Variants in COL21A1 observed in about 807,000 individuals in gnomAD.
COL21A1 encodes collagen alpha-1(XXI) chain.
In COL21A1, 149 loss-of-function variants were observed where a neutral mutation model predicts 137.9. That is an observed-to-expected ratio of 1.08 (90% CI 0.95 to 1.24). The LOEUF is 1.24. COL21A1 is among the 50% of genes most tolerant of loss of function. The pLI is 0.00. For missense variants in COL21A1, 1,167 were observed against 1,158.4 expected (o/e 1.01, Z -0.11); for synonymous variants, 456 against 391.5 (o/e 1.16, Z -1.95).
intron 1 of COL21A1, among the ~76,000 whole-genome samples, chr6:56,269,511 C>T (rs9370498): frequency 0.23 from 35,028 of 151,248 alleles, 4,410 homozygotes; most frequent in Non-Finnish European, 0.29. Flanking sequence ...AAAAATTAGC[C>T]GGGCGTAGTG....
intron 17 of COL21A1, among the ~76,000 whole-genome samples, chr6:56,095,789 C>A (rs540867012): frequency 7.6e-4 from 115 of 152,266 alleles, no homozygotes; most frequent in Middle Eastern, 3.4e-3. Context: ...AAGAAGCCAT[C>A]CCTATGCATT....
chr6:56,142,871 C>T (rs1226322338), intron 10 of COL21A1, among the ~76,000 whole-genome samples: 1 of 152,178 alleles, frequency 6.6e-6, no homozygotes, highest in East Asian at 1.9e-4. Flanking sequence ...ACACAGATCT[C>T]ATTAATGTTT....
At chr6:56,294,074 T>G (rs573424344) in intron 1 of COL21A1, among the ~76,000 whole-genome samples, 1 of 152,148 alleles carries the variant, frequency 6.6e-6, no homozygotes, top group Non-Finnish European at 1.5e-5. Context: ...GAACCAGAAC[T>G]GAACTCAAAT....
chr6:56,196,900 C>T (rs1779057662), intron 1 of COL21A1, among the ~76,000 whole-genome samples: 2 of 151,722 alleles, frequency 1.3e-5, no homozygotes, highest in South Asian at 4.2e-4. Flanking sequence ...TTGTATGGAA[C>T]CACAAAAAAA....
At position 56,103,451 on chromosome 6, in the gene COL21A1, G is replaced by C. The variant is rs144639468; in HGVS notation, c.1759-1926C>G. ...CAATTAATTTGAAATTATTAGGTTG[G>C]TGCAAAAGTAATTGCAGTTTTTGCC... is the stretch of plus-strand genomic sequence containing the variant. On this transcript the variant is annotated intron_variant, in intron 16 of 29. Transcript: ENST00000244728. Among the ~76,000 whole-genome samples the C allele has an allele frequency of 8.1e-3, 1,229 of 152,162 alleles. 15 individuals carry two copies. The highest frequency in any genetic ancestry group is 0.027 in the African/African-American group (1,111 of 41,524).
At chr6:56,122,852 G>A (rs1338966694) in intron 16 of COL21A1, among the ~76,000 whole-genome samples, 2 of 152,126 alleles carry the variant, frequency 1.3e-5, no homozygotes, top group Non-Finnish European at 2.9e-5. Context: ...ATTCTAGATA[G>A]GTAACATTTA....
At chr6:56,160,454 C>A (rs1160723647) in intron 9 of COL21A1, among the ~76,000 whole-genome samples, 1 of 152,124 alleles carries the variant, frequency 6.6e-6, no homozygotes, top group Non-Finnish European at 1.5e-5. Context: ...CACTACCATT[C>A]CTGTCCACAA....
intron 23 of COL21A1, among the ~76,000 whole-genome samples, chr6:56,065,536 G>A (rs1189266063): frequency 6.6e-6 from 1 of 151,954 alleles, no homozygotes; most frequent in East Asian, 1.9e-4. Flanking sequence ...GGATATTATT[G>A]GAACTTAGGA....
chr6:56,345,647 C>A (rs1486564298), intron 1 of COL21A1, among the ~76,000 whole-genome samples: 3 of 152,208 alleles, frequency 2.0e-5, no homozygotes, highest in Non-Finnish European at 2.9e-5. Context: ...CCTTATGTCA[C>A]CATTCTTTCT....
chr6:56,114,620 G>GTT (rs1771746919), intron 16 of COL21A1, among the ~76,000 whole-genome samples: 1 of 151,744 alleles, frequency 6.6e-6, no homozygotes, highest in Non-Finnish European at 1.5e-5. Flanking sequence ...AAACCACAAT[G>GTT]AGATACCATC....
At chr6:56,366,162 A>T (rs544073285) in intron 1 of COL21A1, among the ~76,000 whole-genome samples, 2 of 152,300 alleles carry the variant, frequency 1.3e-5, no homozygotes, top group East Asian at 3.9e-4. Context: ...GATAAAAAGG[A>T]TGTAGACACT....
chr6:56,134,120 A>G (rs28836882), intron 12 of COL21A1, among the ~76,000 whole-genome samples: 22,765 of 151,940 alleles, frequency 0.15, 1,719 homozygotes, highest in Middle Eastern at 0.22. Flanking sequence ...ACCTGGAAAA[A>G]CCACAGACAC....
chr6:56,279,180 C>T (rs1196012932), intron 1 of COL21A1, among the ~76,000 whole-genome samples: 1 of 152,118 alleles, frequency 6.6e-6, no homozygotes, highest in African/African-American at 2.4e-5. Flanking sequence ...GCACCTCCCA[C>T]CTCACTCTTG....
chr6:56,146,947 C>T (rs921815616), intron 10 of COL21A1, among the ~76,000 whole-genome samples: 3 of 152,046 alleles, frequency 2.0e-5, no homozygotes, highest in Non-Finnish European at 2.9e-5. Context: ...CTATATTTCC[C>T]TTGAGCTAAG....
chr6:56,181,246 G>A lies in COL21A1; in HGVS notation c.89-1117C>T, dbSNP rs144720478. ...AACAACCTCTGCCATGGCGGCCACT[G>A]CCAGAGGTCAAAGTAGGGACAGCAG... On this transcript the variant is annotated intron_variant, in intron 2 of 29. Coordinates refer to ENST00000244728, the MANE Select transcript of COL21A1 (RefSeq NM_030820.4). 2.2e-3 allele frequency among the ~76,000 whole-genome samples: 337 copies of A among 152,308 alleles called. 3 individuals carry two copies. Among genetic ancestry groups the A allele is most frequent in the African/African-American group, 7.6e-3 (315 of 41,568 alleles).
chr6:56,134,469 A>G (rs748744488), intron 12 of COL21A1, among the ~76,000 whole-genome samples: 18 of 152,180 alleles, frequency 1.2e-4, no homozygotes, highest in Admixed American at 7.2e-4. Context: ...GTCTCAAATG[A>G]GACTTTGGAC....
intron 1 of COL21A1, among the ~76,000 whole-genome samples, chr6:56,301,390 G>A (rs1223390025): frequency 6.6e-6 from 1 of 152,148 alleles, no homozygotes; most frequent in Non-Finnish European, 1.5e-5. Context: ...CAAGGAAATG[G>A]ATTCCTCTGG....
chr6:56,064,842 A>G (rs1289695286), intron 23 of COL21A1, among the ~76,000 whole-genome samples: 4 of 152,086 alleles, frequency 2.6e-5, no homozygotes, highest in African/African-American at 9.6e-5. Flanking sequence ...GAGATAAGGA[A>G]CAAATTACTG....
At chr6:56,238,821 C>T (rs1278782435) in intron 1 of COL21A1, among the ~76,000 whole-genome samples, 1 of 152,088 alleles carries the variant, frequency 6.6e-6, no homozygotes, top group African/African-American at 2.4e-5. Context: ...CATAGGGATT[C>T]AAATGTAAGT....
Sources: allele counts gnomAD v4.1 joint callset (sites outside exome capture counted in the v4.1 genomes callset), GRCh38; gene constraint gnomAD v4.1.1; transcripts MANE v1.5; gene names NCBI Gene and HGNC (gene_info 2026-07-23, HGNC 2026-07-21).